The following PHLPP1 variants were observed in gnomAD, a reference collection of about 807,000 sequenced individuals.
The protein encoded by PHLPP1 is PH domain and leucine rich repeat protein phosphatase 1.
A neutral mutation model predicts 117.2 loss-of-function variants in PHLPP1; 42 were observed. The ratio of observed to expected loss-of-function variants is 0.36; its 90% CI spans 0.28 to 0.46. The LOEUF (loss-of-function observed/expected upper bound fraction) is 0.46. Ranked by LOEUF, PHLPP1 falls within the 20% of genes least tolerant of loss-of-function variation. PHLPP1 has a pLI of 1.00. For missense variants in PHLPP1, 2,084 were observed against 2,241.9 expected, an observed-to-expected ratio of 0.93 and a Z score of 1.42; for synonymous variants, 1,042 against 970.7, an observed-to-expected ratio of 1.07 and a Z score of -1.37.
rs138214330 is a variant in PHLPP1 at position 62,829,871 on chromosome 18, C to A, written c.1577-164C>A. The stretch of plus-strand genomic sequence containing the variant: ...GTACATGTGGAGATGTAGTTCTTAC[C>A]ATAATTCCATTATGACAGTTGTCAT... On this transcript the variant is annotated intron_variant, in intron 1 of 16. Coordinates refer to ENST00000262719, the MANE Select transcript of PHLPP1 (RefSeq NM_194449.4). Among the ~76,000 whole-genome samples the A allele has an allele frequency of 4.1e-3, 627 of 152,228 alleles. 4 individuals carry two copies. The highest frequency in any genetic ancestry group is 0.014 in the African/African-American group (595 of 41,536).
At chr18:62,863,049 CTTT>C (rs11318520) in intron 4 of PHLPP1, among the ~76,000 whole-genome samples, 55 of 141,846 alleles carry the variant, frequency 3.9e-4, no homozygotes, top group Middle Eastern at 3.6e-3. Flanking sequence ...CTGTGGTATT[CTTT>C]TTTTTTTTTT....
chr18:62,973,928 C>T (rs1232357912), intron 15 of PHLPP1, among the ~76,000 whole-genome samples: 1 of 152,090 alleles, frequency 6.6e-6, no homozygotes, highest in East Asian at 1.9e-4. Context: ...TGTGAGACTC[C>T]CTTCAAAGGA....
intron 4 of PHLPP1, among the ~76,000 whole-genome samples, chr18:62,863,748 A>G (rs537483882): frequency 5.9e-5 from 9 of 152,144 alleles, no homozygotes; most frequent in African/African-American, 1.9e-4. Flanking sequence ...TCAACTTTTC[A>G]TCACCATTTT....
chr18:62,880,213 T>C (rs1256917958), intron 4 of PHLPP1, among the ~76,000 whole-genome samples: 1 of 152,098 alleles, frequency 6.6e-6, no homozygotes, highest in Non-Finnish European at 1.5e-5. Context: ...AGGGTTTTTT[T>C]TTTTTCCCCA....
At chr18:62,835,797 T>C (rs1456779700) in intron 2 of PHLPP1, among the ~76,000 whole-genome samples, 1 of 135,362 alleles carries the variant, frequency 7.4e-6, no homozygotes, top group African/African-American at 3.1e-5. Flanking sequence ...TTTTTTTTTT[T>C]TGAGGCGGAG....
At position 62,716,624 on chromosome 18, in the gene PHLPP1, G is replaced by A. The variant is rs1044859533; in HGVS notation, c.941G>A (p.Arg314His). The A allele has an allele frequency of 7.6e-6, 10 of 1,318,894 alleles. No individual in the cohort carries two copies. 81.7% of individuals were successfully genotyped at this position (1,318,894 alleles called of 1,614,324 possible). ...GTCGGCGGCCCGGGCGGGTGGTCGC[G>A]CCGCGCCAGCCCAGCGCCCTCGGAC... ...LPVGGPGGWS[R>H]RASPAPSDSS... The change falls in exon 1 of 17, where the codon CGC (arginine) becomes CAC (histidine). Residue 314 changes from arginine (R) to histidine (H), a missense_variant. This residue lies in a region of PHLPP1 where 719 missense variants were observed against 636.0 expected (regional missense o/e 1.13). Coordinates refer to ENST00000262719, the MANE Select transcript of PHLPP1 (RefSeq NM_194449.4). This position sits in a 1 kb window ranked among gnomAD's most constrained non-coding sequence, Gnocchi z 5.7.
At chr18:62,858,299 G>C (rs1314584688) in intron 3 of PHLPP1, among the ~76,000 whole-genome samples, 1 of 130,322 alleles carries the variant, frequency 7.7e-6, no homozygotes, top group East Asian at 2.2e-4. Flanking sequence ...GCCTCTCTCT[G>C]TTGCCCAGGC....
intron 4 of PHLPP1, among the ~76,000 whole-genome samples, chr18:62,871,928 A>G (rs1266331804): frequency 6.6e-6 from 1 of 152,178 alleles, no homozygotes; most frequent in Non-Finnish European, 1.5e-5. Flanking sequence ...TATAGGCATG[A>G]GCCACTGCAC....
intron 14 of PHLPP1, among the ~76,000 whole-genome samples, chr18:62,969,372 C>T (rs1007194030): frequency 2.6e-5 from 4 of 152,150 alleles, no homozygotes; most frequent in Middle Eastern, 3.4e-3. Flanking sequence ...TCACTAATAT[C>T]GTTGGAGAAC....
chr18:62,715,616 C>T lies in PHLPP1; in HGVS notation c.-68C>T. On this transcript the variant is annotated 5_prime_UTR_variant, in exon 1 of 17. Coordinates refer to ENST00000262719, the MANE Select transcript of PHLPP1 (RefSeq NM_194449.4). The stretch of plus-strand genomic sequence containing the variant: ...CGCGCGCCGCCGCCGTCTCCCACCT[C>T]CGCCTCATCGCCTCCCTCTCCGCCC... 1 of 1,103,084 alleles carries T rather than the reference C, an allele frequency of 9.1e-7. No homozygotes were observed. Among genetic ancestry groups the T allele is most frequent in the Non-Finnish European group, 1.2e-6 (1 of 864,426 alleles). 68.3% of individuals were successfully genotyped at this position (1,103,084 alleles called of 1,614,324 possible).
chr18:62,978,188 AC>A lies in PHLPP1; in HGVS notation c.3985-71del. 1 of 810,150 alleles carries A rather than the reference AC, an allele frequency of 1.2e-6. No homozygotes were observed. The highest frequency in any genetic ancestry group is 2.4e-5 in the Admixed American group (1 of 41,720). 50.2% of individuals were successfully genotyped at this position (810,150 alleles called of 1,614,324 possible). On this transcript the variant is annotated intron_variant, in intron 16 of 16. Transcript: ENST00000262719. The surrounding 1 kb of genome is among the most constrained non-coding windows in gnomAD (Gnocchi z 7.0). ...GTCCTACAGTCGAGACAGTCGAGGG[AC>A]CCGCAGGGAACCTGCACAGTTGCCG...
chr18:62,884,120 T>C (rs892797667), intron 4 of PHLPP1, among the ~76,000 whole-genome samples: 1 of 152,206 alleles, frequency 6.6e-6, no homozygotes, highest in Admixed American at 6.5e-5. Context: ...TATGCAGCTG[T>C]CAAAAAGATT....
intron 12 of PHLPP1, among the ~76,000 whole-genome samples, chr18:62,957,550 G>A (rs944250821): frequency 5.9e-5 from 9 of 151,766 alleles, no homozygotes; most frequent in Non-Finnish European, 1.2e-4. Context: ...CTCATTTTGA[G>A]TGTGTGTTAC....
chr18:62,752,933 A>G (rs960602310), intron 1 of PHLPP1, among the ~76,000 whole-genome samples: 9 of 152,220 alleles, frequency 5.9e-5, no homozygotes, highest in African/African-American at 2.2e-4. Flanking sequence ...TGAAAACTAA[A>G]TAAAAGTGGA....
intron 1 of PHLPP1, among the ~76,000 whole-genome samples, chr18:62,723,532 A>C (rs867579273): frequency 1.3e-5 from 2 of 152,238 alleles, no homozygotes; most frequent in Non-Finnish European, 2.9e-5. Context: ...ATTTCTTCTG[A>C]ATCAGACATC....
intron 1 of PHLPP1, among the ~76,000 whole-genome samples, chr18:62,825,791 A>G (rs1300454944): frequency 1.3e-5 from 2 of 152,172 alleles, no homozygotes; most frequent in Non-Finnish European, 2.9e-5. Flanking sequence ...CAGTAGACCT[A>G]TCACTATAAT....
At chr18:62,963,531 T>A (rs959078276) in intron 14 of PHLPP1, 59 bp downstream of exon 14, 40 of 1,103,030 alleles carry the variant, frequency 3.6e-5, no homozygotes, top group Non-Finnish European at 4.9e-5. Flanking sequence ...CTCCTTTAGT[T>A]GGGTAGAAAG....
chr18:62,958,923 A>G (rs1388350539), intron 13 of PHLPP1, among the ~76,000 whole-genome samples, 164 bp downstream of exon 13: 3 of 152,262 alleles, frequency 2.0e-5, no homozygotes, highest in Non-Finnish European at 1.5e-5. Flanking sequence ...AACAACCAAG[A>G]TGTAACTTAA....
intron 1 of PHLPP1, among the ~76,000 whole-genome samples, chr18:62,795,426 C>T (rs968437958): frequency 1.0e-4 from 15 of 146,380 alleles, no homozygotes; most frequent in African/African-American, 2.5e-4. Flanking sequence ...TGCAGTGAGC[C>T]GAGCCGAGCC....
Sources: gnomAD v4.1 joint callset for allele counts (sites outside exome capture counted in the v4.1 genomes callset) on GRCh38, gnomAD v4.1.1 for gene constraint, gnomAD v4.1.1 regional missense constraint, Gnocchi (gnomAD v3.1) non-coding constraint, MANE v1.5 for transcripts, NCBI Gene and HGNC (gene_info 2026-07-23, HGNC 2026-07-21) for gene names.